Variants in RPS6KA2 observed in about 807,000 individuals in gnomAD.
RPS6KA2 encodes the protein ribosomal protein S6 kinase A2, also known as ribosomal protein S6 kinase alpha-2.
A neutral mutation model predicts 91.8 loss-of-function variants in RPS6KA2; 42 were observed. The observed-to-expected ratio is 0.46, with a 90% confidence interval of 0.36 to 0.59. The LOEUF is 0.59. Ranked by LOEUF, RPS6KA2 falls within the 20% of genes least tolerant of loss-of-function variation. The pLI is 0.00. For synonymous variants in RPS6KA2, 414 were observed against 393.6 expected, an observed-to-expected ratio of 1.05 and a Z score of -0.61; for missense variants, 798 against 978.5, an observed-to-expected ratio of 0.82 and a Z score of 2.46.
chr6:166,425,191 T>A (rs993238295), intron 16 of RPS6KA2, among the ~76,000 whole-genome samples: 29 of 152,136 alleles, frequency 1.9e-4, no homozygotes, highest in African/African-American at 5.3e-4. Context: ...TCCCACAGTC[T>A]GCTGCCTTAG....
intron 1 of RPS6KA2, among the ~76,000 whole-genome samples, chr6:166,575,462 C>T (rs142138726): frequency 5.1e-4 from 77 of 152,208 alleles, no homozygotes; most frequent in African/African-American, 1.6e-3. Context: ...TTGTGTTTAT[C>T]GTGTGAGGCT....
chr6:166,813,543 G>A (rs185639928), intron 2 of RPS6KA2, among the ~76,000 whole-genome samples: 1 of 152,174 alleles, frequency 6.6e-6, no homozygotes, highest in East Asian at 1.9e-4. Flanking sequence ...TTGCATTCTG[G>A]ATGCTAGAAC....
chr6:166,539,120 A>G (rs1012379993), intron 1 of RPS6KA2, among the ~76,000 whole-genome samples: 1 of 152,126 alleles, frequency 6.6e-6, no homozygotes, highest in South Asian at 2.1e-4. Context: ...AGATTTCACC[A>G]TGTTGGCCAG....
chr6:166,469,723 T>C, intron 11 of RPS6KA2, 118 bp downstream of exon 11: 2 of 942,128 alleles, frequency 2.1e-6, no homozygotes, highest in East Asian at 2.5e-5. Flanking sequence ...CTTGTCTACA[T>C]TCACCTCCGA....
intron 2 of RPS6KA2, among the ~76,000 whole-genome samples, chr6:166,791,199 A>G: frequency 6.6e-6 from 1 of 152,204 alleles, no homozygotes; most frequent in African/African-American, 2.4e-5. Context: ...ACAAAAAAAA[A>G]GCAAGGGTCG....
rs574685511 is a variant in RPS6KA2, at chr6:166,614,413, CAGGCCCCG to C, written c.99+12500_99+12507del. Among the ~76,000 whole-genome samples, 6 of 152,312 alleles carry C rather than the reference CAGGCCCCG, an allele frequency of 3.9e-5. No homozygotes were observed. The South Asian group carries it at 6.2e-4, about 16-fold the overall frequency. ...TGTGCTGCCCGGCCCGCTTCCTACC[CAGGCCCCG>C]AGGGCAGGTGTTCACCTTCTGTGAC... On this transcript the variant is annotated intron_variant, in intron 1 of 20. Transcript: ENST00000265678.
At chr6:166,525,995 G>A (rs558224298) in intron 3 of RPS6KA2, among the ~76,000 whole-genome samples, 1 of 152,280 alleles carries the variant, frequency 6.6e-6, no homozygotes, top group South Asian at 2.1e-4. Context: ...AAGAAACTAA[G>A]GTTTTGGGCC....
intron 2 of RPS6KA2, chr6:166,702,141 C>T: frequency 1.3e-6 from 2 of 1,572,678 alleles, no homozygotes; most frequent in Non-Finnish European, 1.8e-6. Flanking sequence ...CGGTGGACAT[C>T]GATTTTAGAC....
chr6:166,465,521 A>T (rs1215400510), intron 11 of RPS6KA2: 1 of 152,296 alleles, frequency 6.6e-6, no homozygotes, highest in African/African-American at 2.4e-5. Context: ...GACTCATCCT[A>T]GCAAGATGTT....
At chr6:166,550,016 TTGTTA>T (rs1376065602) in intron 1 of RPS6KA2, among the ~76,000 whole-genome samples, 2 of 152,146 alleles carry the variant, frequency 1.3e-5, no homozygotes, top group African/African-American at 4.8e-5. Context: ...TGAAAGAGCT[TTGTTA>T]TAAGATTTAA....
At chr6:166,443,712 G>A (rs185808522) in intron 14 of RPS6KA2, among the ~76,000 whole-genome samples, 20 of 152,098 alleles carry the variant, frequency 1.3e-4, no homozygotes, top group Non-Finnish European at 2.9e-4. Flanking sequence ...TGCAAATGGC[G>A]CCACGTATGG....
At chr6:166,470,991 G>A (rs1302008302) in intron 10 of RPS6KA2, among the ~76,000 whole-genome samples, 1 of 152,164 alleles carries the variant, frequency 6.6e-6, no homozygotes, top group Non-Finnish European at 1.5e-5. Context: ...GGCGGCGGTG[G>A]CTGGGGAATT....
chr6:166,701,074 G>A lies in RPS6KA2; in HGVS notation c.123+157126C>T, dbSNP rs182473493. 57 of 1,551,256 alleles carry A rather than the reference G, an allele frequency of 3.7e-5. No individual in the cohort carries two copies. In the Admixed American group the frequency reaches 7.7e-4, roughly 21 times the overall value. ...TCTTTGGTTTGGCATCTGCCTCCGT[G>A]GTGGGCTGTTTCCTGAGCCTTACTT... On this transcript the variant is annotated intron_variant, in intron 2 of 21. Coordinates refer to the RPS6KA2 transcript ENST00000503859.
chr6:166,481,419 AAATTG>A (rs1246217363), intron 10 of RPS6KA2, among the ~76,000 whole-genome samples: 1 of 152,274 alleles, frequency 6.6e-6, no homozygotes, highest in African/African-American at 2.4e-5. Flanking sequence ...GTCCCCTTTG[AAATTG>A]AATTAATAGA....
At chr6:166,856,949 C>G (rs753043085) in intron 2 of RPS6KA2, among the ~76,000 whole-genome samples, 17 of 152,234 alleles carry the variant, frequency 1.1e-4, no homozygotes, top group Non-Finnish European at 2.1e-4. Flanking sequence ...AAGAACGCAG[C>G]TGGATCGCTG....
chr6:166,412,985 C>T lies in RPS6KA2; in HGVS notation c.2077-98G>A. On this transcript the variant is annotated intron_variant, in intron 20 of 20. Transcript: ENST00000265678. This position sits in a 1 kb window ranked among gnomAD's most constrained non-coding sequence, Gnocchi z 4.3. The stretch of plus-strand genomic sequence containing the variant: ...ATGGGCCTCAGCTGCCCCCAGGCAA[C>T]GTGGGAGAAACCAGAGCTTCCCCAG... 3 of 1,296,420 alleles carry T rather than the reference C, an allele frequency of 2.3e-6. No individual in the cohort carries two copies. Among genetic ancestry groups the T allele is most frequent in the African/African-American group, 1.5e-5 (1 of 65,918 alleles). The allele number at this position is 1,296,420 out of a possible 1,614,324, so 80.3% of individuals were successfully genotyped here. A position where few individuals can be genotyped will look rare whatever the true frequency, so the allele number is the denominator to read the frequency against.
At chr6:166,489,012 C>G (rs1423788884) in intron 9 of RPS6KA2, 91 bp from the exon 10 acceptor site, 7 of 1,087,096 alleles carry the variant, frequency 6.4e-6, no homozygotes, top group African/African-American at 4.7e-5. Flanking sequence ...AGACCTCAAT[C>G]GCAGTCACCC....
chr6:166,606,473 C>A (rs1448167492), intron 1 of RPS6KA2, among the ~76,000 whole-genome samples: 2 of 152,076 alleles, frequency 1.3e-5, no homozygotes, highest in Admixed American at 1.3e-4. Flanking sequence ...AAAGCGACTG[C>A]AAATTATGGT....
chr6:166,555,629 T>G (rs1241900811), intron 1 of RPS6KA2, among the ~76,000 whole-genome samples: 1 of 152,006 alleles, frequency 6.6e-6, no homozygotes, highest in Non-Finnish European at 1.5e-5. Flanking sequence ...CCTCTTTCTC[T>G]GCTGCAACCC....
Sources: gnomAD v4.1 joint callset for allele counts (sites outside exome capture counted in the v4.1 genomes callset) on GRCh38, gnomAD v4.1.1 for gene constraint, Gnocchi (gnomAD v3.1) non-coding constraint, MANE v1.5 for transcripts, NCBI Gene and HGNC (gene_info 2026-07-23, HGNC 2026-07-21) for gene names.